The following GXYLT2 variants were observed in gnomAD, a reference collection of about 807,000 sequenced individuals.
GXYLT2 encodes glucoside xylosyltransferase 2.
A neutral mutation model predicts 45.8 loss-of-function variants in GXYLT2; 53 were observed. The ratio of observed to expected loss-of-function variants is 1.16; its 90% CI spans 0.93 to 1.46. The LOEUF (loss-of-function observed/expected upper bound fraction) is 1.46. Ranked by LOEUF, GXYLT2 falls within the 40% of genes most tolerant of loss-of-function variation. The probability of loss-of-function intolerance (pLI) is 0.00; values close to 1 mark genes in which losing one functional copy is unlikely to be tolerated. For missense variants in GXYLT2, 551 were observed against 544.4 expected (o/e 1.01, Z -0.12); for synonymous variants, 219 against 214.2 (o/e 1.02, Z -0.19).
intron 3 of GXYLT2, among the ~76,000 whole-genome samples, chr3:72,947,638 A>G (rs1710435178): frequency 6.6e-6 from 1 of 152,116 alleles, no homozygotes; most frequent in South Asian, 2.1e-4. Flanking sequence ...TGCCTCTACT[A>G]AAAATGCAAA....
At chr3:72,891,435 T>C (rs975214053) in intron 1 of GXYLT2, among the ~76,000 whole-genome samples, 4 of 152,180 alleles carry the variant, frequency 2.6e-5, no homozygotes, top group African/African-American at 9.7e-5. Context: ...ATTTGCCTCG[T>C]TAGTAGGCAG....
chr3:72,894,971 G>A (rs551368178), intron 1 of GXYLT2, among the ~76,000 whole-genome samples: 1 of 152,162 alleles, frequency 6.6e-6, no homozygotes, highest in Non-Finnish European at 1.5e-5. Flanking sequence ...AAAACGCCAG[G>A]TCTCGTTTGC....
At chr3:72,952,087 T>C (rs1710539810) in intron 3 of GXYLT2, among the ~76,000 whole-genome samples, 1 of 150,750 alleles carries the variant, frequency 6.6e-6, no homozygotes, top group African/African-American at 2.4e-5. Context: ...ACTGCAACGC[T>C]CACCTCCCGG....
At chr3:72,961,504 T>C (rs955512491) in intron 5 of GXYLT2, among the ~76,000 whole-genome samples, 1 of 152,064 alleles carries the variant, frequency 6.6e-6, no homozygotes, top group African/African-American at 2.4e-5. Context: ...TGATCTTTGC[T>C]TCTCTCCGTG....
chr3:72,965,800 A>T (rs1220364391), intron 5 of GXYLT2, among the ~76,000 whole-genome samples: 1 of 152,130 alleles, frequency 6.6e-6, no homozygotes, highest in East Asian at 1.9e-4. Context: ...GTAGAGGAGT[A>T]GGGAGGGGGC....
At chr3:72,907,523 T>G (rs1184954905) in intron 1 of GXYLT2, among the ~76,000 whole-genome samples, 8 of 152,206 alleles carry the variant, frequency 5.3e-5, no homozygotes, top group Admixed American at 5.2e-4. Flanking sequence ...ACTGCAAATG[T>G]TTCTCAGTGG....
intron 5 of GXYLT2, among the ~76,000 whole-genome samples, chr3:72,959,038 G>T (rs866076158): frequency 6.7e-6 from 1 of 148,838 alleles, no homozygotes; most frequent in South Asian, 2.1e-4. Flanking sequence ...GACCTCCTGG[G>T]CTCAAGTGAT....
chr3:72,949,008 C>T (rs749101454), intron 3 of GXYLT2, among the ~76,000 whole-genome samples: 5 of 152,070 alleles, frequency 3.3e-5, no homozygotes, highest in Non-Finnish European at 7.4e-5. Flanking sequence ...TGGACAGACT[C>T]AGACATTTTG....
intron 3 of GXYLT2, among the ~76,000 whole-genome samples, chr3:72,938,144 G>A (rs72881985): frequency 3.3e-4 from 51 of 152,240 alleles, no homozygotes; most frequent in African/African-American, 1.2e-3. Context: ...TTGATCTTCT[G>A]CACCTACAGA....
At position 72,920,279 on chromosome 3, in the gene GXYLT2, C is replaced by T. The variant is rs564267738; in HGVS notation, c.469-1925C>T. Among the ~76,000 whole-genome samples, 8 of 152,122 alleles carry T rather than the reference C, an allele frequency of 5.3e-5. No homozygotes were observed. The South Asian group carries it at 8.3e-4, about 16-fold the overall frequency. On this transcript the variant is annotated intron_variant, in intron 2 of 6. Coordinates refer to ENST00000389617, the MANE Select transcript of GXYLT2 (RefSeq NM_001080393.2). ...CCTCCTGAGTAGCTGGGACTACAGG[C>T]GTGCCTCACCGCTCCTGGCTAATTT...
At chr3:72,902,947 A>C (rs1709435808) in intron 1 of GXYLT2, among the ~76,000 whole-genome samples, 3 of 152,194 alleles carry the variant, frequency 2.0e-5, no homozygotes, top group Admixed American at 2.0e-4. Context: ...TGGGAGATAG[A>C]GTTGCAGTGA....
intron 6 of GXYLT2, among the ~76,000 whole-genome samples, chr3:72,970,432 T>C (rs13091160): frequency 0.68 from 103,088 of 151,394 alleles, 35,335 homozygotes; most frequent in Admixed American, 0.76. Flanking sequence ...GAGGCTGAGG[T>C]GAGGAGTTCA....
chr3:72,924,608 C>T (rs1465953434), intron 3 of GXYLT2, among the ~76,000 whole-genome samples: 1 of 152,096 alleles, frequency 6.6e-6, no homozygotes, highest in Non-Finnish European at 1.5e-5. Context: ...TATGGCAGCG[C>T]AGACAGGGTT....
rs372210793 is a variant in GXYLT2, at chr3:72,908,496, C to T, written c.405C>T (p.Ser135=). 3.9e-5 allele frequency: 63 copies of T among 1,613,908 alleles called. No homozygotes were observed. The highest frequency in any genetic ancestry group is 5.3e-5 in the Non-Finnish European group (63 of 1,179,854). ...TGCTCAAATCAGCTGTGCTTTTTAG[C>T]CACAGGAAGATCCAATTCCACATCT... ...LVMLKSAVLF[S]HRKIQFHIFT... is the part of the protein sequence containing the mutation. The change falls in exon 2 of 7, where the codon AGC becomes AGT. Residue 135 remains serine, a synonymous_variant. Coordinates refer to ENST00000389617, the MANE Select transcript of GXYLT2 (RefSeq NM_001080393.2).
intron 3 of GXYLT2, among the ~76,000 whole-genome samples, chr3:72,929,804 T>C (rs942189142): frequency 6.6e-6 from 1 of 152,042 alleles, no homozygotes; most frequent in African/African-American, 2.4e-5. Context: ...AATAGTAAAA[T>C]GGCAGACATA....
intron 3 of GXYLT2, among the ~76,000 whole-genome samples, chr3:72,951,820 ATTTTTTTG>A (rs1027981925): frequency 7.9e-5 from 12 of 151,488 alleles, no homozygotes; most frequent in Non-Finnish European, 1.0e-4. Flanking sequence ...TGTTTTGTTT[ATTTTTTTG>A]TTTTTTTGTT....
intron 3 of GXYLT2, among the ~76,000 whole-genome samples, chr3:72,943,666 G>A (rs6776637): frequency 0.57 from 86,320 of 151,118 alleles, 25,606 homozygotes; most frequent in Admixed American, 0.65. Flanking sequence ...CGTGATTACA[G>A]CACCCAGCCT....
In GXYLT2 at chr3:72,888,293, GGCGCTGCTGTCCCTGC is replaced by G; in HGVS notation, c.67_82del (p.Leu23AlafsTer122). Reference sequence around the variant, plus strand: ...TGCTCGCGCTGGCCGCGCTGCTGCTGGCGCTGCTGTCCCTGCGCGCTGGCCGCGCTGAGCCCCCAGC... The same window carrying G: ...TGCTCGCGCTGGCCGCGCTGCTGCTGGCGCTGGCCGCGCTGAGCCCCCAGC... On this transcript the variant is annotated frameshift_variant, in exon 1 of 7. Coordinates refer to ENST00000389617, the MANE Select transcript of GXYLT2 (RefSeq NM_001080393.2). LOFTEE classifies it high-confidence loss of function. The G allele has an allele frequency of 1.0e-6, 1 of 993,578 alleles. No homozygotes were observed. Among genetic ancestry groups the G allele is most frequent in the Non-Finnish European group, 1.2e-6 (1 of 837,818 alleles). The allele number at this position is 993,578 out of a possible 1,614,324, so 61.5% of individuals were successfully genotyped here. A position where few individuals can be genotyped will look rare whatever the true frequency, so the allele number is the denominator to read the frequency against.
At chr3:72,925,089 G>T (rs1273827282) in intron 3 of GXYLT2, among the ~76,000 whole-genome samples, 1 of 151,986 alleles carries the variant, frequency 6.6e-6, no homozygotes, top group Non-Finnish European at 1.5e-5. Flanking sequence ...ATAAACCCTG[G>T]ATGAATTGTT....
Sources: allele counts gnomAD v4.1 joint callset (sites outside exome capture counted in the v4.1 genomes callset), GRCh38; gene constraint gnomAD v4.1.1; transcripts MANE v1.5; gene names NCBI Gene and HGNC (gene_info 2026-07-23, HGNC 2026-07-21).